The following TBC1D5 variants were observed in gnomAD, a reference collection of about 807,000 sequenced individuals.
TBC1D5 encodes the protein TBC1 domain family, member 5.
TBC1D5 carries 75 observed loss-of-function variants against 100.3 expected under a neutral mutation model. The observed-to-expected ratio is 0.75, with a 90% CI of 0.62 to 0.91. The LOEUF is 0.91. Among genes scored for constraint, TBC1D5 ranks in the 40% least tolerant of loss-of-function variants. The probability of loss-of-function intolerance (pLI) is 0.00; values close to 1 mark genes in which losing one functional copy is unlikely to be tolerated. For synonymous variants in TBC1D5, 323 were observed against 325.6 expected (o/e 0.99, Z 0.09); for missense variants, 910 against 942.4 (o/e 0.97, Z 0.45).
At chr3:17,481,247 C>T (rs930707240) in intron 3 of TBC1D5, among the ~76,000 whole-genome samples, 7 of 152,232 alleles carry the variant, frequency 4.6e-5, no homozygotes, top group Non-Finnish European at 7.3e-5. Flanking sequence ...AAGCAGCTGA[C>T]GTGCCTGGCT....
intron 3 of TBC1D5, among the ~76,000 whole-genome samples, chr3:17,452,986 T>C (rs2094961765): frequency 6.9e-6 from 1 of 144,616 alleles, no homozygotes; most frequent in African/African-American, 2.6e-5. Context: ...GGAATAAAAC[T>C]ACAAATCAAT....
chr3:17,542,568 T>C lies in TBC1D5; in HGVS notation c.-35-33963A>G, dbSNP rs145514811. On this transcript the variant is annotated intron_variant, in intron 2 of 21. Transcript: ENST00000253692. The stretch of plus-strand genomic sequence containing the variant: ...TGCAGTTAAACAAGGGTAACTTAAA[T>C]TGTAGAGAGCAAAACCACAAATGAG... Among the ~76,000 whole-genome samples the C allele has an allele frequency of 9.2e-3, 1,407 of 152,288 alleles. 55 individuals carry two copies. The highest frequency in any genetic ancestry group is 0.071 in the Admixed American group (1,094 of 15,302).
chr3:17,285,248 CTTTTTTTTTTTTTTTTTTT>C (rs373843978), intron 15 of TBC1D5, among the ~76,000 whole-genome samples: 28 of 104,688 alleles, frequency 2.7e-4, no homozygotes, highest in East Asian at 2.4e-3. Context: ...ATTTTAGATT[CTTTTTTTTTTTTTTTTTTT>C]TTTTTTTTTT....
Position 17,344,120 on chromosome 3 carries a change from A to G in TBC1D5, c.995+27955T>C, listed in dbSNP as rs1486976081. ...GGGCATTTAGTGCTATAAATTTCCCAAATTGTCCCTGTTTGCAGACGACAT... is the reference window on the plus strand; with the variant it reads ...GGGCATTTAGTGCTATAAATTTCCCGAATTGTCCCTGTTTGCAGACGACAT... On this transcript the variant is annotated intron_variant, in intron 13 of 21. Coordinates refer to ENST00000253692, the Ensembl canonical transcript of TBC1D5. 2.6e-5 allele frequency among the ~76,000 whole-genome samples: 4 copies of G among 152,116 alleles called. No homozygotes were observed. The South Asian group carries it at 8.3e-4, about 32-fold the overall frequency.
chr3:17,549,536 CT>C (rs1243061197), intron 2 of TBC1D5, among the ~76,000 whole-genome samples: 23 of 152,130 alleles, frequency 1.5e-4, no homozygotes, highest in African/African-American at 5.3e-4. Context: ...GAAAACAAGC[CT>C]TTAGTATGAT....
chr3:17,465,611 C>G (rs1369627176), intron 3 of TBC1D5: 1 of 152,166 alleles, frequency 6.6e-6, no homozygotes, highest in Non-Finnish European at 1.5e-5. Context: ...AAACTGACTC[C>G]TTCAACTTCC....
intron 4 of TBC1D5, among the ~76,000 whole-genome samples, chr3:17,407,792 T>C (rs890320756): frequency 1.3e-5 from 2 of 152,110 alleles, no homozygotes; most frequent in African/African-American, 4.8e-5. Context: ...CTTCTGCCAA[T>C]AGTGGTTTCT....
In TBC1D5 at chr3:17,219,698, G is replaced by C. The variant is rs115073539; in HGVS notation, c.1589-5328C>G. On this transcript the variant is annotated intron_variant, in intron 17 of 21. Coordinates refer to ENST00000253692, the Ensembl canonical transcript of TBC1D5. ...CAGATACATTGTGCATCCTCCTGTG[G>C]TTGTAAGGTTACTTACTAGTTTTCA... Among the ~76,000 whole-genome samples, 1,393 of 152,092 alleles carry C rather than the reference G, an allele frequency of 9.2e-3. 23 individuals are homozygous for C. The highest frequency in any genetic ancestry group is 0.031 in the African/African-American group (1,300 of 41,522).
intron 12 of TBC1D5, 92 bp from the exon 13 acceptor site, chr3:17,372,339 A>G (rs2092508473): frequency 8.3e-7 from 1 of 1,211,116 alleles, no homozygotes; most frequent in African/African-American, 1.5e-5. Flanking sequence ...TTAAACAAGA[A>G]GTCTTATTAT....
At chr3:17,679,237 G>A (rs1239480812) in intron 1 of TBC1D5, among the ~76,000 whole-genome samples, 1 of 151,192 alleles carries the variant, frequency 6.6e-6, no homozygotes, top group Non-Finnish European at 1.5e-5. Context: ...TTTGTATAAT[G>A]CAACAGAGAC....
At chr3:17,728,052 G>A (rs1031514090) in intron 1 of TBC1D5, among the ~76,000 whole-genome samples, 3 of 152,036 alleles carry the variant, frequency 2.0e-5, no homozygotes, top group Admixed American at 6.6e-5. Context: ...TATGTCAAGA[G>A]AAACCCAAAA....
At chr3:17,381,621 G>A (rs975086236) in intron 9 of TBC1D5, among the ~76,000 whole-genome samples, 4 of 151,974 alleles carry the variant, frequency 2.6e-5, no homozygotes, top group Non-Finnish European at 2.9e-5. Flanking sequence ...TTTTAAACGG[G>A]GTCTTCTGCT....
At chr3:17,518,452 T>G (rs2096019231) in intron 2 of TBC1D5, among the ~76,000 whole-genome samples, 1 of 152,152 alleles carries the variant, frequency 6.6e-6, no homozygotes, top group African/African-American at 2.4e-5. Flanking sequence ...TGCATAACTT[T>G]GGAGAATAAT....
At chr3:17,373,037 T>C (rs553856866) in intron 12 of TBC1D5, among the ~76,000 whole-genome samples, 1 of 152,342 alleles carries the variant, frequency 6.6e-6, no homozygotes, top group East Asian at 1.9e-4. Context: ...GGAATGACTG[T>C]GTTCCAAAAC....
chr3:17,368,850 A>C lies in TBC1D5; in HGVS notation c.995+3225T>G, dbSNP rs923378715. On this transcript the variant is annotated intron_variant, in intron 13 of 21. Coordinates refer to ENST00000253692, the Ensembl canonical transcript of TBC1D5. ...TTATGAATTATTATGTAATCTGAGA[A>C]AGCAGTTTCATTAACTAAAAAGAGA... Among the ~76,000 whole-genome samples, 3 of 152,216 alleles carry C rather than the reference A, an allele frequency of 2.0e-5. No homozygotes were observed. The South Asian group carries it at 6.2e-4, about 32-fold the overall frequency.
At chr3:17,316,019 C>T (rs114532613) in intron 13 of TBC1D5, among the ~76,000 whole-genome samples, 3,090 of 152,172 alleles carry the variant, frequency 0.02, 92 homozygotes, top group African/African-American at 0.07. Flanking sequence ...AAGTTAGCAG[C>T]GACTGACCAA....
At chr3:17,559,175 G>T (rs1368133533) in intron 2 of TBC1D5, among the ~76,000 whole-genome samples, 2 of 151,062 alleles carry the variant, frequency 1.3e-5, no homozygotes, top group Non-Finnish European at 2.9e-5. Context: ...ACAATGTCTC[G>T]CTCTGTTGCC....
chr3:17,565,119 G>A (rs1312682941), intron 2 of TBC1D5, among the ~76,000 whole-genome samples: 2 of 152,082 alleles, frequency 1.3e-5, no homozygotes, highest in Non-Finnish European at 2.9e-5. Flanking sequence ...TGTGTCTGAG[G>A]AACTGCATTT....
intron 4 of TBC1D5, among the ~76,000 whole-genome samples, chr3:17,408,209 C>T (rs1270305744): frequency 6.6e-6 from 1 of 150,624 alleles, no homozygotes; most frequent in East Asian, 2.0e-4. Context: ...TAACAATCTA[C>T]TTAAAGGAAT....
Sources: gnomAD v4.1 joint callset for allele counts (sites outside exome capture counted in the v4.1 genomes callset) on GRCh38, gnomAD v4.1.1 for gene constraint, MANE v1.5 for transcripts, NCBI Gene and HGNC (gene_info 2026-07-23, HGNC 2026-07-21) for gene names.